TIMM23B: variants seen among roughly 807,000 people sequenced by gnomAD.
TIMM23B encodes the protein mitochondrial import inner membrane translocase subunit Tim23B.
In TIMM23B, 27 loss-of-function variants were observed where a neutral mutation model predicts 27.3. The observed-to-expected ratio is 0.99, with a 90% confidence interval of 0.73 to 1.36. TIMM23B has a LOEUF of 1.36. TIMM23B is among the 40% of genes most tolerant of loss of function. The pLI, the probability that TIMM23B is intolerant of heterozygous loss-of-function variation, is 0.00. For missense variants in TIMM23B, 205 were observed against 244.2 expected (o/e 0.84, Z 1.07); for synonymous variants, 73 against 92.4 (o/e 0.79, Z 1.21).
At chr10:49,962,787 ATTAAG>A (rs1371417145) in intron 6 of TIMM23B, among the ~76,000 whole-genome samples, 3 of 152,168 alleles carry the variant, frequency 2.0e-5, no homozygotes, top group Non-Finnish European at 2.9e-5. Flanking sequence ...ATTGCTAAAA[ATTAAG>A]TTATTTGAGA....
chr10:49,967,814 A>G (rs189033987), intron 6 of TIMM23B, among the ~76,000 whole-genome samples: 6,041 of 150,044 alleles, frequency 0.04, 179 homozygotes, highest in Non-Finnish European at 0.064. Flanking sequence ...GTTAGATGCT[A>G]TACCATAGTG....
At chr10:49,972,960 T>C (rs1331822386) in intron 6 of TIMM23B, 52 bp from the exon 7 acceptor site, 18 of 915,490 alleles carry the variant, frequency 2.0e-5, no homozygotes, top group Non-Finnish European at 3.1e-5. Flanking sequence ...TATCAATCTC[T>C]TGTTCATTTC....
chr10:49,949,844 T>G (rs1839467021), intron 2 of TIMM23B, among the ~76,000 whole-genome samples: 10 of 144,412 alleles, frequency 6.9e-5, no homozygotes, highest in Admixed American at 6.9e-4. Flanking sequence ...TGGCAACAAC[T>G]TTTTTTTTTT....
intron 2 of TIMM23B, among the ~76,000 whole-genome samples, chr10:49,948,150 G>C (rs1839412626): frequency 2.0e-5 from 3 of 152,164 alleles, no homozygotes; most frequent in Non-Finnish European, 4.4e-5. Context: ...ACATTAATTA[G>C]AGAAATAAAA....
At chr10:49,950,928 G>A (rs1356837178) in intron 2 of TIMM23B, among the ~76,000 whole-genome samples, 2 of 152,120 alleles carry the variant, frequency 1.3e-5, no homozygotes, top group African/African-American at 4.8e-5. Flanking sequence ...TGAGACTGAA[G>A]AATAATTATT....
chr10:49,944,437 A>G (rs1231507432), intron 1 of TIMM23B, among the ~76,000 whole-genome samples: 5 of 152,066 alleles, frequency 3.3e-5, no homozygotes, highest in Non-Finnish European at 5.9e-5. Context: ...GATAGGTTTT[A>G]CTGTTTTCAA....
rs1162313875 is a variant in TIMM23B, at chr10:49,973,296, T to C, written c.*232T>C. 2 of 464,156 alleles carry C rather than the reference T, an allele frequency of 4.3e-6. No homozygotes were observed. The highest frequency in any genetic ancestry group is 3.3e-5 in the East Asian group (1 of 30,592). 28.8% of individuals were successfully genotyped at this position (464,156 alleles called of 1,614,324 possible). Reference sequence around the variant, plus strand: ...TTATTTTTGTGTTTACTCACCTCATTTATATTGACTTGTAAATTAGTAATT... The same window carrying C: ...TTATTTTTGTGTTTACTCACCTCATCTATATTGACTTGTAAATTAGTAATT... On this transcript the variant is annotated 3_prime_UTR_variant, in exon 7 of 7. Transcript: ENST00000651259.
chr10:49,948,427 G>T (rs1233806224), intron 2 of TIMM23B, among the ~76,000 whole-genome samples: 1 of 152,064 alleles, frequency 6.6e-6, no homozygotes. Context: ...AATGTTGCTA[G>T]TAGCATTATT....
chr10:49,968,413 A>T (rs1282634620), intron 6 of TIMM23B, among the ~76,000 whole-genome samples: 14 of 152,282 alleles, frequency 9.2e-5, no homozygotes, highest in Admixed American at 7.2e-4. Flanking sequence ...TTTGTGGTGG[A>T]TGAATTACTG....
intron 2 of TIMM23B, among the ~76,000 whole-genome samples, chr10:49,945,372 T>TTTG (rs1839322791): frequency 1.3e-5 from 2 of 152,080 alleles, no homozygotes; most frequent in African/African-American, 2.4e-5. Flanking sequence ...TGTGGGGTTT[T>TTTG]TTTGTTTGTT....
chr10:49,973,205 C>A lies in TIMM23B; in HGVS notation c.*141C>A, dbSNP rs1341270580. 7.1e-6 allele frequency: 4 copies of A among 565,492 alleles called. No individual in the cohort carries two copies. The highest frequency in any genetic ancestry group is 1.3e-5 in the Non-Finnish European group (4 of 318,040). The allele number at this position is 565,492 out of a possible 1,614,324, so 35.0% of individuals were successfully genotyped here. On this transcript the variant is annotated 3_prime_UTR_variant, in exon 7 of 7. Coordinates refer to ENST00000651259, the MANE Select transcript of TIMM23B (RefSeq NM_001290117.2). ...TTCCATGGAATGGACAAGTAGTAGT[C>A]TCTGTCAGAGCTACATTTTAAAGGA...
intron 6 of TIMM23B, among the ~76,000 whole-genome samples, chr10:49,970,835 A>G (rs1359326435): frequency 4.7e-4 from 71 of 152,348 alleles, no homozygotes; most frequent in African/African-American, 1.6e-3. Context: ...GGTGTACCCA[A>G]CAGCTCATTG....
intron 6 of TIMM23B, among the ~76,000 whole-genome samples, chr10:49,961,121 G>T (rs1437915057): frequency 6.6e-6 from 1 of 151,906 alleles, no homozygotes; most frequent in East Asian, 1.9e-4. Context: ...GGTGGCTCAC[G>T]CCTGTAATCC....
intron 3 of TIMM23B, 106 bp downstream of exon 3, chr10:49,952,325 A>G: frequency 6.9e-7 from 1 of 1,459,162 alleles, no homozygotes; most frequent in Non-Finnish European, 9.3e-7. Context: ...TTTTTTTAAT[A>G]TTTACATTTG....
chr10:49,954,956 A>T (rs1431991456), intron 4 of TIMM23B, 46 bp from the exon 5 acceptor site: 1 of 1,609,980 alleles, frequency 6.2e-7, no homozygotes, highest in Non-Finnish European at 8.5e-7. Context: ...ATTACTAGAG[A>T]AATAATGATT....
intron 1 of TIMM23B, 33 bp downstream of exon 1, chr10:49,942,333 G>C: frequency 1.3e-6 from 2 of 1,591,248 alleles, no homozygotes; most frequent in Non-Finnish European, 1.7e-6. Flanking sequence ...GATTATTTCT[G>C]ACTGGTTCTT....
Position 49,958,406 on chromosome 10 carries a change from A to C in TIMM23B, c.440A>C (p.Lys147Thr). 1 of 1,613,940 alleles carries C rather than the reference A, an allele frequency of 6.2e-7. No individual in the cohort carries two copies. The highest frequency in any genetic ancestry group is 2.2e-5 in the East Asian group (1 of 44,872). Reference protein sequence around the residue: ...LYSAFGVIIEKTRGAEDDLNT... With the variant: ...LYSAFGVIIETTRGAEDDLNT... ...AGTGCATTTGGTGTCATCATTGAGA[A>C]AACACGAGGTGCAGAAGATGACCTT... is the stretch of plus-strand genomic sequence containing the variant. The change falls in exon 6 of 7, where the codon AAA (lysine) becomes ACA (threonine). Residue 147 changes from lysine (K) to threonine (T), a missense_variant. Lys to Thr is a moderately conservative substitution (Grantham distance 78). Coordinates refer to ENST00000651259, the MANE Select transcript of TIMM23B (RefSeq NM_001290117.2).
chr10:49,972,724 T>C (rs1407054341), intron 6 of TIMM23B: 1 of 393,050 alleles, frequency 2.5e-6, no homozygotes, highest in Non-Finnish European at 4.6e-6. Flanking sequence ...CAATAAAGCA[T>C]GTGTTACATA....
At chr10:49,959,622 AT>A (rs1398120178) in intron 6 of TIMM23B, among the ~76,000 whole-genome samples, 1 of 152,238 alleles carries the variant, frequency 6.6e-6, no homozygotes, top group Non-Finnish European at 1.5e-5. Flanking sequence ...ATGATGTTTA[AT>A]CCACATACTT....
Sources: gnomAD v4.1 joint callset for allele counts (sites outside exome capture counted in the v4.1 genomes callset) on GRCh38, gnomAD v4.1.1 for gene constraint, MANE v1.5 for transcripts, NCBI Gene and HGNC (gene_info 2026-07-23, HGNC 2026-07-21) for gene names.